The following SLC24A3 variants were observed in gnomAD, a reference collection of about 807,000 sequenced individuals.
SLC24A3 encodes solute carrier family 24 member 3.
In SLC24A3, 28 loss-of-function variants were observed where a neutral mutation model predicts 75.8. The observed-to-expected ratio is 0.37, with a 90% CI of 0.27 to 0.51. The LOEUF is 0.51. Among genes scored for constraint, SLC24A3 ranks in the 20% least tolerant of loss-of-function variants. SLC24A3 has a pLI of 0.94. For synonymous variants in SLC24A3, 372 were observed against 334.1 expected (o/e 1.11, Z -1.24); for missense variants, 663 against 847.8 (o/e 0.78, Z 2.71).
intron 13 of SLC24A3, chr20:19,696,217 CT>C (rs2032804552): frequency 1.3e-5 from 2 of 152,088 alleles, no homozygotes; most frequent in African/African-American, 4.8e-5. Flanking sequence ...CAAGGTCTCA[CT>C]ATGTTGCTCA....
chr20:19,495,440 A>T (rs563383428), intron 2 of SLC24A3, among the ~76,000 whole-genome samples: 2 of 152,346 alleles, frequency 1.3e-5, no homozygotes, highest in Admixed American at 1.3e-4. Flanking sequence ...GGGTGGATAC[A>T]TAAGTGAATG....
intron 2 of SLC24A3, among the ~76,000 whole-genome samples, chr20:19,500,259 C>T (rs1187572136): frequency 1.3e-5 from 2 of 152,120 alleles, no homozygotes; most frequent in African/African-American, 2.4e-5. Flanking sequence ...AAGGAAATGC[C>T]ACTCTCTCCA....
At chr20:19,612,879 T>A (rs890009876) in intron 6 of SLC24A3, among the ~76,000 whole-genome samples, 6 of 152,156 alleles carry the variant, frequency 3.9e-5, no homozygotes, top group Non-Finnish European at 7.3e-5. Context: ...CAGGGTCCCA[T>A]TGTGCTTAGA....
At chr20:19,400,825 G>C (rs1028940418) in intron 2 of SLC24A3, among the ~76,000 whole-genome samples, 3 of 152,148 alleles carry the variant, frequency 2.0e-5, no homozygotes, top group Non-Finnish European at 4.4e-5. Flanking sequence ...ATCTTTTGGG[G>C]ATCACTGCCC....
chr20:19,475,989 C>A (rs1169832545), intron 2 of SLC24A3, among the ~76,000 whole-genome samples: 1 of 152,172 alleles, frequency 6.6e-6, no homozygotes, highest in African/African-American at 2.4e-5. Context: ...ATAGCCTTGG[C>A]CAAATCAGAC....
intron 4 of SLC24A3, among the ~76,000 whole-genome samples, chr20:19,584,036 G>A (rs777038245): frequency 6.6e-5 from 10 of 152,236 alleles, no homozygotes; most frequent in Non-Finnish European, 1.3e-4. Flanking sequence ...CCACTGGGAA[G>A]AGAAGGATGT....
At chr20:19,290,908 C>T (rs1205974270) in intron 2 of SLC24A3, among the ~76,000 whole-genome samples, 1 of 152,204 alleles carries the variant, frequency 6.6e-6, no homozygotes, top group East Asian at 1.9e-4. Context: ...TTTGTTTCTT[C>T]ACTCTATCTT....
intron 2 of SLC24A3, among the ~76,000 whole-genome samples, chr20:19,363,958 A>G (rs1985839928): frequency 6.6e-6 from 1 of 152,000 alleles, no homozygotes; most frequent in Admixed American, 6.6e-5. Context: ...GGTGGGCTTG[A>G]TGTCAGATGA....
chr20:19,429,872 A>G (rs1987071303), intron 2 of SLC24A3, among the ~76,000 whole-genome samples: 1 of 152,162 alleles, frequency 6.6e-6, no homozygotes, highest in South Asian at 2.1e-4. Flanking sequence ...AGCAGGGAGA[A>G]TTTCCTCACA....
chr20:19,692,735 G>A (rs754514005), intron 12 of SLC24A3, among the ~76,000 whole-genome samples: 1 of 152,116 alleles, frequency 6.6e-6, no homozygotes, highest in Non-Finnish European at 1.5e-5. Context: ...CAGGTCTAGG[G>A]AGAGCCTTCA....
intron 6 of SLC24A3, among the ~76,000 whole-genome samples, chr20:19,631,050 G>T (rs576695495): frequency 7.2e-5 from 11 of 152,266 alleles, no homozygotes; most frequent in African/African-American, 2.6e-4. Context: ...ATTTTATTAT[G>T]AAAGTATTGT....
At chr20:19,436,715 G>A (rs1190047670) in intron 2 of SLC24A3, among the ~76,000 whole-genome samples, 1 of 152,162 alleles carries the variant, frequency 6.6e-6, no homozygotes, top group Non-Finnish European at 1.5e-5. Context: ...TCAGCTTCTA[G>A]GGATAATGGG....
intron 2 of SLC24A3, among the ~76,000 whole-genome samples, chr20:19,363,812 A>T (rs1985836860): frequency 1.3e-5 from 2 of 152,226 alleles, no homozygotes. Flanking sequence ...GCCAGGAAAA[A>T]TAGTTCCTGC....
At position 19,313,028 on chromosome 20, in the gene SLC24A3, C is replaced by CTTTT. The variant is rs747623530; in HGVS notation, c.271+31964_271+31967dup. 1.2e-3 allele frequency among the ~76,000 whole-genome samples: 80 copies of CTTTT among 68,322 alleles called. 7 individuals are homozygous for CTTTT. The highest frequency in any genetic ancestry group is 0.011 in the Middle Eastern group (1 of 88). 44.8% of individuals were successfully genotyped at this position (68,322 alleles called of 152,430 possible). On this transcript the variant is annotated intron_variant, in intron 2 of 16. Coordinates refer to ENST00000328041, the MANE Select transcript of SLC24A3 (RefSeq NM_020689.4). Reference sequence around the variant, plus strand: ...TTCAAGTATTCTTCCTTTTCTCTTGCTTTTTTTTTTTTTTTTTTTTTTTTT... The same window carrying CTTTT: ...TTCAAGTATTCTTCCTTTTCTCTTGCTTTTTTTTTTTTTTTTTTTTTTTTTTTTT...
chr20:19,253,758 G>A (rs754598887), intron 1 of SLC24A3, among the ~76,000 whole-genome samples: 6 of 152,218 alleles, frequency 3.9e-5, no homozygotes, highest in Non-Finnish European at 7.3e-5. Context: ...GAATGGTCCT[G>A]TCCTTAAAGA....
At chr20:19,687,997 C>T (rs1439173543) in intron 12 of SLC24A3, among the ~76,000 whole-genome samples, 6 of 152,160 alleles carry the variant, frequency 3.9e-5, no homozygotes, top group Admixed American at 3.9e-4. Context: ...CTGTGTCCTT[C>T]CTGAAGCACA....
At chr20:19,276,333 A>T (rs1983485988) in intron 1 of SLC24A3, among the ~76,000 whole-genome samples, 1 of 152,134 alleles carries the variant, frequency 6.6e-6, no homozygotes, top group South Asian at 2.1e-4. Flanking sequence ...TTCATGGGGG[A>T]TGCTCGTCCT....
chr20:19,591,393 G>A (rs1835810332), intron 6 of SLC24A3, among the ~76,000 whole-genome samples: 1 of 152,096 alleles, frequency 6.6e-6, no homozygotes. Context: ...TCTGAAAAAT[G>A]CAAAGGAAAG....
intron 3 of SLC24A3, among the ~76,000 whole-genome samples, chr20:19,541,901 G>A (rs1389886644): frequency 6.6e-6 from 1 of 152,190 alleles, no homozygotes; most frequent in Non-Finnish European, 1.5e-5. Flanking sequence ...TGCTCCTACT[G>A]TGTGCACTAC....
Sources: allele counts gnomAD v4.1 joint callset (sites outside exome capture counted in the v4.1 genomes callset), GRCh38; gene constraint gnomAD v4.1.1; transcripts MANE v1.5; gene names NCBI Gene and HGNC (gene_info 2026-07-23, HGNC 2026-07-21).